The following TRDN variants were observed in gnomAD, a reference collection of about 807,000 sequenced individuals.
TRDN encodes the protein triadin in skeletal muscle.
A neutral mutation model predicts 149.7 loss-of-function variants in TRDN; 161 were observed. The observed-to-expected ratio is 1.08, with a 90% CI of 0.95 to 1.23. TRDN has a LOEUF of 1.23. Among genes scored for constraint, TRDN ranks in the 50% most tolerant of loss-of-function variants. The pLI is 0.00. For synonymous variants in TRDN, 294 were observed against 250.5 expected (o/e 1.17, Z -1.64); for missense variants, 896 against 823.5 (o/e 1.09, Z -1.08).
At chr6:123,543,672 T>C (rs1030629783) in intron 4 of TRDN, among the ~76,000 whole-genome samples, 5 of 152,136 alleles carry the variant, frequency 3.3e-5, no homozygotes, top group Non-Finnish European at 4.4e-5. Context: ...AGTTGAAGGA[T>C]TACAAGTGAT....
intron 9 of TRDN, among the ~76,000 whole-genome samples, chr6:123,489,179 C>T (rs1017354203): frequency 4.0e-5 from 6 of 151,800 alleles, no homozygotes; most frequent in Admixed American, 6.6e-5. Flanking sequence ...TTTCACACTA[C>T]GAGTACTATT....
At chr6:123,561,791 T>C (rs1000393513) in intron 2 of TRDN, among the ~76,000 whole-genome samples, 5 of 152,004 alleles carry the variant, frequency 3.3e-5, no homozygotes, top group African/African-American at 1.2e-4. Flanking sequence ...TCTCTCCCAC[T>C]CTAGGTTCCC....
At chr6:123,489,131 T>A (rs1778097206) in intron 9 of TRDN, among the ~76,000 whole-genome samples, 1 of 152,178 alleles carries the variant, frequency 6.6e-6, no homozygotes, top group South Asian at 2.1e-4. Flanking sequence ...TCAAGGTCTA[T>A]TTCAATTGTT....
At chr6:123,430,194 C>A (rs1318515802) in intron 12 of TRDN, among the ~76,000 whole-genome samples, 1 of 151,560 alleles carries the variant, frequency 6.6e-6, no homozygotes, top group Non-Finnish European at 1.5e-5. Flanking sequence ...CTCTTGATCC[C>A]AGGAGGTTGA....
Position 123,224,098 on chromosome 6 carries a change from G to A in TRDN, c.2009C>T (p.Ala670Val), listed in dbSNP as rs750290578. 6.2e-7 allele frequency: 1 copy of A among 1,609,592 alleles called. No homozygotes were observed. The highest frequency in any genetic ancestry group is 2.2e-5 in the East Asian group (1 of 44,738). Residue 670 changes from alanine (A) to valine (V), a missense_variant, in exon 39 of 41, where the codon GCT becomes GTT. Physicochemically the swap from Ala to Val is moderately conservative, Grantham distance 64. Coordinates refer to ENST00000334268, the MANE Select transcript of TRDN (RefSeq NM_006073.4). ...TCCAAAGACAGCAAACTCACCTTTAGCTTTCTTTGAAGCTGGTACATCTTC... is the reference window on the plus strand; with the variant it reads ...TCCAAAGACAGCAAACTCACCTTTAACTTTCTTTGAAGCTGGTACATCTTC... Reference protein sequence around the residue: ...DVEDVPASKKAKEGTEDVSPT... With the variant: ...DVEDVPASKKVKEGTEDVSPT...
Position 123,267,722 on chromosome 6 carries a change from G to A in TRDN, c.1768C>T (p.Pro590Ser), listed in dbSNP as rs2114606785. 6.3e-7 allele frequency: 1 copy of A among 1,580,936 alleles called. No individual in the cohort carries two copies. Among genetic ancestry groups the A allele is most frequent in the Non-Finnish European group, 8.6e-7 (1 of 1,162,754 alleles). The change falls in exon 32 of 41, where the codon CCA (proline) becomes TCA (serine). Residue 590 changes from proline to serine, a missense_variant. Physicochemically the swap from Pro to Ser is moderately conservative, Grantham distance 74. Coordinates refer to ENST00000334268, the MANE Select transcript of TRDN (RefSeq NM_006073.4). ...GGTAAAATACCTGTTTTTATAGATG[G>A]AGGTTCTCTTTCTCGATGTTCAGCT... ...KKAEHREREP[P>S]SIKTDKPKPT...
chr6:123,335,285 A>G (rs1484942863), intron 22 of TRDN, among the ~76,000 whole-genome samples: 3 of 151,826 alleles, frequency 2.0e-5, no homozygotes, highest in Non-Finnish European at 4.4e-5. Flanking sequence ...TAAATCAATA[A>G]TCATATGCTG....
intron 24 of TRDN, among the ~76,000 whole-genome samples, chr6:123,291,168 T>G (rs1331167998): frequency 6.6e-6 from 1 of 152,004 alleles, no homozygotes; most frequent in Admixed American, 6.6e-5. Flanking sequence ...AAAAATGTAT[T>G]TTCTTTTCCA....
At position 123,241,014 on chromosome 6, in the gene TRDN, T is replaced by A. The variant is rs570968128; in HGVS notation, c.1975+11398A>T. 3.4e-3 allele frequency among the ~76,000 whole-genome samples: 510 copies of A among 152,002 alleles called. 3 individuals are homozygous for A. Among genetic ancestry groups the A allele is most frequent in the African/African-American group, 8.1e-3 (338 of 41,530 alleles). Reference sequence around the variant, plus strand: ...GCTATCAACATAAAATGAAGTATATTCTGTTTGTGTTTAAGAATTTCTGTG... The same window carrying A: ...GCTATCAACATAAAATGAAGTATATACTGTTTGTGTTTAAGAATTTCTGTG... On this transcript the variant is annotated intron_variant, in intron 38 of 40. Coordinates refer to ENST00000334268, the MANE Select transcript of TRDN (RefSeq NM_006073.4).
chr6:123,457,900 A>G (rs1180617920), intron 10 of TRDN, among the ~76,000 whole-genome samples: 1 of 152,208 alleles, frequency 6.6e-6, no homozygotes, highest in Non-Finnish European at 1.5e-5. Context: ...CTCCGCCATC[A>G]CAGCTTTCTC....
chr6:123,603,747 A>C (rs911958647), intron 1 of TRDN, among the ~76,000 whole-genome samples: 1 of 152,136 alleles, frequency 6.6e-6, no homozygotes, highest in Non-Finnish European at 1.5e-5. Flanking sequence ...GATAATGACA[A>C]CTGGAAATTC....
rs146339286 is a variant in TRDN at position 123,372,165 on chromosome 6, C to T, written c.1273+3440G>A. 1.1e-4 allele frequency among the ~76,000 whole-genome samples: 16 copies of T among 151,812 alleles called. 2 individuals carry two copies. Among genetic ancestry groups the T allele is most frequent in the African/African-American group, 3.9e-4 (16 of 41,404 alleles). On this transcript the variant is annotated intron_variant, in intron 19 of 40. Transcript: ENST00000334268. ...CCATTTCCATGCCAGAGTATTTAAA[C>T]TGAGTCAAAAAAAAAACCATGCAAT...
rs1312899682 is a variant in TRDN at position 123,362,827 on chromosome 6, T to C, written c.1321+3308A>G. 1.1e-4 allele frequency among the ~76,000 whole-genome samples: 16 copies of C among 152,276 alleles called. No homozygotes were observed. In the East Asian group the frequency reaches 2.7e-3, roughly 26 times the overall value. ...TATTTTAAATTGCTCAAGAACAATA[T>C]TAACATTTAAAATTTTTCTCGATTT... is the stretch of plus-strand genomic sequence containing the variant. On this transcript the variant is annotated intron_variant, in intron 20 of 40. Transcript: ENST00000334268.
intron 9 of TRDN, among the ~76,000 whole-genome samples, chr6:123,465,185 C>A (rs1397358629): frequency 3.9e-5 from 6 of 152,058 alleles, no homozygotes; most frequent in African/African-American, 9.7e-5. Flanking sequence ...ATCTTCAGAG[C>A]CATTTCTGAA....
intron 12 of TRDN, among the ~76,000 whole-genome samples, chr6:123,423,604 C>T (rs1490703817): frequency 6.6e-6 from 1 of 152,078 alleles, no homozygotes; most frequent in East Asian, 1.9e-4. Context: ...TTGAAAATTA[C>T]AAAATACAAA....
At chr6:123,516,271 G>T (rs139843763) in intron 5 of TRDN, 65 bp from the exon 6 acceptor site, 2 of 1,339,318 alleles carry the variant, frequency 1.5e-6, no homozygotes, top group South Asian at 3.5e-5. Flanking sequence ...ATGTTTGCAC[G>T]GCAGTCTTTG....
chr6:123,490,874 G>A (rs1169963529), intron 9 of TRDN, among the ~76,000 whole-genome samples: 1 of 152,198 alleles, frequency 6.6e-6, no homozygotes, highest in Admixed American at 6.5e-5. Context: ...AGAGGCCGAG[G>A]TGGGCGGATC....
chr6:123,341,224 T>C (rs1413573416), intron 21 of TRDN, among the ~76,000 whole-genome samples: 2 of 148,632 alleles, frequency 1.3e-5, no homozygotes, highest in East Asian at 4.7e-4. Context: ...TTCTGAAAGA[T>C]ATAACAGACT....
At chr6:123,452,959 C>T (rs1005586662) in intron 10 of TRDN, among the ~76,000 whole-genome samples, 1 of 151,654 alleles carries the variant, frequency 6.6e-6, no homozygotes, top group Admixed American at 6.6e-5. Context: ...ATACTTACAG[C>T]CAACTGATCT....
Sources: gnomAD v4.1 joint callset for allele counts (sites outside exome capture counted in the v4.1 genomes callset) on GRCh38, gnomAD v4.1.1 for gene constraint, MANE v1.5 for transcripts, NCBI Gene and HGNC (gene_info 2026-07-23, HGNC 2026-07-21) for gene names.